Variants in SORBS2 observed in about 807,000 individuals in gnomAD.
SORBS2 encodes sorbin and SH3 domain-containing protein 2.
SORBS2 carries 46 observed loss-of-function variants against 97.7 expected under a neutral mutation model. The ratio of observed to expected loss-of-function variants is 0.47; its 90% confidence interval spans 0.37 to 0.60. The LOEUF (loss-of-function observed/expected upper bound fraction) is 0.60, where lower values mean the gene tolerates loss of function less well. SORBS2 is among the 20% of genes least tolerant of loss of function. The pLI, the probability that SORBS2 is intolerant of heterozygous loss-of-function variation, is 0.00. For synonymous variants in SORBS2, 476 were observed against 473.4 expected (o/e 1.01, Z -0.07); for missense variants, 1,316 against 1,282.3 (o/e 1.03, Z -0.40).
At position 185,718,615 on chromosome 4, in the gene SORBS2, G is replaced by A. The variant is rs1052576363; in HGVS notation, c.-197-39793C>T. Reference sequence around the variant, plus strand: ...TTACCTAGGGCTGGATACTGATTGAGCATATCCTGTGCACAAGGACACCTA... The same window carrying A: ...TTACCTAGGGCTGGATACTGATTGAACATATCCTGTGCACAAGGACACCTA... On this transcript the variant is annotated intron_variant, in intron 2 of 20. Transcript: ENST00000284776. 3.9e-5 allele frequency among the ~76,000 whole-genome samples: 6 copies of A among 152,294 alleles called. No homozygotes were observed. In the East Asian group the frequency reaches 9.7e-4, roughly 25 times the overall value.
chr4:185,707,122 T>C (rs562083573), intron 2 of SORBS2, among the ~76,000 whole-genome samples: 1 of 152,342 alleles, frequency 6.6e-6, no homozygotes, highest in African/African-American at 2.4e-5. Context: ...ATTACATATG[T>C]GTTACATATA....
intron 8 of SORBS2, 27 bp downstream of exon 20, chr4:185,620,036 A>G (rs756003659): frequency 1.4e-6 from 2 of 1,381,648 alleles, no homozygotes; most frequent in East Asian, 4.6e-5. Flanking sequence ...TTGCTGTGAA[A>G]GACTCCAATG....
chr4:185,877,371 G>A (rs1438275147), intron 1 of SORBS2, among the ~76,000 whole-genome samples: 1 of 152,132 alleles, frequency 6.6e-6, no homozygotes, highest in East Asian at 1.9e-4. Context: ...AGAAATTAAT[G>A]CAGTTATGTA....
At chr4:185,843,564 A>G (rs2099212872) in intron 1 of SORBS2, among the ~76,000 whole-genome samples, 2 of 152,200 alleles carry the variant, frequency 1.3e-5, no homozygotes, top group Admixed American at 1.3e-4. Flanking sequence ...ACAATAGAAA[A>G]TGAAGATTAA....
At chr4:185,931,861 A>G (rs2099266623) in intron 1 of SORBS2, among the ~76,000 whole-genome samples, 1 of 152,004 alleles carries the variant, frequency 6.6e-6, no homozygotes, top group Admixed American at 6.6e-5. Context: ...TAACAAGGAC[A>G]TGTAAGTAAA....
chr4:185,688,402 A>G (rs2098015444), intron 2 of SORBS2, among the ~76,000 whole-genome samples: 1 of 150,980 alleles, frequency 6.6e-6, no homozygotes, highest in Non-Finnish European at 1.5e-5. Context: ...ATATTGATAT[A>G]TATATCAATA....
At chr4:185,655,967 G>A (rs938876345) in intron 1 of SORBS2, among the ~76,000 whole-genome samples, 5 of 152,104 alleles carry the variant, frequency 3.3e-5, no homozygotes, top group Admixed American at 2.0e-4. Context: ...TGCCTCAAGT[G>A]CCAGTTACAC....
At chr4:185,938,383 G>GACACACACAC (rs1445864893) in intron 1 of SORBS2, among the ~76,000 whole-genome samples, 3 of 91,348 alleles carry the variant, frequency 3.3e-5, no homozygotes, top group Admixed American at 1.2e-4. Context: ...GAAAAATGTA[G>GACACACACAC]ACACATACAC....
chr4:185,698,175 CA>C (rs2153528218), intron 2 of SORBS2, among the ~76,000 whole-genome samples: 1 of 152,284 alleles, frequency 6.6e-6, no homozygotes, highest in East Asian at 1.9e-4. Flanking sequence ...CTTAAAACGT[CA>C]TTTGAAATCA....
intron 4 of SORBS2, among the ~76,000 whole-genome samples, chr4:185,637,235 A>G (rs541123722): frequency 2.6e-5 from 4 of 152,348 alleles, no homozygotes; most frequent in African/African-American, 9.6e-5. Context: ...ATGTTTAGAT[A>G]TGTTTAGGTA....
chr4:185,746,707 T>C (rs1467080006), intron 2 of SORBS2, among the ~76,000 whole-genome samples: 2 of 152,180 alleles, frequency 1.3e-5, no homozygotes, highest in Non-Finnish European at 2.9e-5. Context: ...ATCCTGTGGT[T>C]GACACATGGT....
At chr4:185,897,928 T>C (rs1579372921) in intron 1 of SORBS2, among the ~76,000 whole-genome samples, 1 of 151,754 alleles carries the variant, frequency 6.6e-6, no homozygotes, top group South Asian at 2.1e-4. Context: ...TCCCAGCTAC[T>C]AGGGAGGCTG....
At position 185,684,829 on chromosome 4, in the gene SORBS2, G is replaced by A. The variant is rs1270909142; in HGVS notation, c.-197-6007C>T. The stretch of plus-strand genomic sequence containing the variant: ...GTAACAGACATGGCGGCACGTTTGC[G>A]AGCACACCCACCGCTATCTGGAAGC... On this transcript the variant is annotated intron_variant, in intron 2 of 20. Transcript: ENST00000284776. This position sits in a 1 kb window ranked among gnomAD's most constrained non-coding sequence, Gnocchi z 4.2. The A allele has an allele frequency of 3.2e-6, 5 of 1,551,700 alleles. No individual in the cohort carries two copies. The Admixed American group carries it at 5.9e-5, about 18-fold the overall frequency.
intron 4 of SORBS2, among the ~76,000 whole-genome samples, chr4:185,672,621 T>C (rs918987795): frequency 2.6e-5 from 4 of 152,222 alleles, no homozygotes; most frequent in African/African-American, 9.6e-5. Flanking sequence ...ATGAAGAGAA[T>C]TTCTAACAGT....
At chr4:185,605,929 A>T (rs2096408140) in intron 12 of SORBS2, 2 of 234,614 alleles carry the variant, frequency 8.5e-6, no homozygotes, top group Non-Finnish European at 1.4e-5. Context: ...GCCTTTGTTG[A>T]TTAAAACCAC....
chr4:185,661,752 T>C (rs533377140), upstream of SORBS2, among the ~76,000 whole-genome samples: 16 of 152,204 alleles, frequency 1.1e-4, no homozygotes, highest in Non-Finnish European at 1.8e-4. Context: ...AAATAGTCCA[T>C]GGTGGAAGCT....
At chr4:185,621,782 T>C (rs557390561) in intron 7 of SORBS2, among the ~76,000 whole-genome samples, 1 of 152,300 alleles carries the variant, frequency 6.6e-6, no homozygotes, top group Admixed American at 6.5e-5. Flanking sequence ...TACTATAAAT[T>C]CTGAATTATT....
At chr4:185,750,947 C>A (rs2098794887) in intron 2 of SORBS2, among the ~76,000 whole-genome samples, 1 of 151,710 alleles carries the variant, frequency 6.6e-6, no homozygotes, top group Non-Finnish European at 1.5e-5. Flanking sequence ...GAGCAAATAG[C>A]ATTCAAATGT....
At chr4:185,830,731 C>A (rs2099204655) in intron 1 of SORBS2, among the ~76,000 whole-genome samples, 1 of 152,166 alleles carries the variant, frequency 6.6e-6, no homozygotes. Context: ...ATTTACCTTT[C>A]TCACCATTTG....
Sources: gnomAD v4.1 joint callset for allele counts (sites outside exome capture counted in the v4.1 genomes callset) on GRCh38, gnomAD v4.1.1 for gene constraint, Gnocchi (gnomAD v3.1) non-coding constraint, MANE v1.5 for transcripts, NCBI Gene and HGNC (gene_info 2026-07-23, HGNC 2026-07-21) for gene names.